The following ADGRG7 variants were observed in gnomAD, a reference collection of about 807,000 sequenced individuals.
ADGRG7 encodes the protein adhesion G protein-coupled receptor G7.
In ADGRG7, 82 loss-of-function variants were observed where a neutral mutation model predicts 88.6. That is an observed-to-expected ratio of 0.93 (90% CI 0.77 to 1.11). ADGRG7 has a LOEUF of 1.11. ADGRG7 is among the 50% of genes most tolerant of loss of function. The pLI, the probability that ADGRG7 is intolerant of heterozygous loss-of-function variation, is 0.00. For missense variants in ADGRG7, 945 were observed against 953.4 expected, an observed-to-expected ratio of 0.99 and a Z score of 0.12; for synonymous variants, 381 against 345.2, an observed-to-expected ratio of 1.10 and a Z score of -1.15.
chr3:100,636,605 G>A (rs1707546122), intron 5 of ADGRG7, among the ~76,000 whole-genome samples: 1 of 151,642 alleles, frequency 6.6e-6, no homozygotes, highest in Non-Finnish European at 1.5e-5. Context: ...CCTGAAAATA[G>A]CTACTCCTTT....
At chr3:100,686,598 A>C (rs569627852) in intron 15 of ADGRG7, among the ~76,000 whole-genome samples, 2 of 152,356 alleles carry the variant, frequency 1.3e-5, no homozygotes, top group South Asian at 4.1e-4. Context: ...ACATATGGCT[A>C]GCCAGTTTTC....
rs761379844 is a variant in ADGRG7, at chr3:100,646,549, A to T, written c.1111-20A>T. 3.8e-6 allele frequency: 6 copies of T among 1,595,536 alleles called. No homozygotes were observed. The highest frequency in any genetic ancestry group is 2.2e-5 in the South Asian group (2 of 89,640). ...TAAGTATTTAGAAACAGTAATTGTAATTGTCTTATCAATTCATAGTACAAC... is the reference window on the plus strand; with the variant it reads ...TAAGTATTTAGAAACAGTAATTGTATTTGTCTTATCAATTCATAGTACAAC... On this transcript the variant is annotated intron_variant, in intron 9 of 15. Coordinates refer to ENST00000273352, the MANE Select transcript of ADGRG7 (RefSeq NM_032787.3).
rs572996845 is a variant in ADGRG7, at chr3:100,687,546, A to G, written c.2137-7198A>G. Among the ~76,000 whole-genome samples, 84 of 152,196 alleles carry G rather than the reference A, an allele frequency of 5.5e-4. No individual in the cohort carries two copies. The South Asian group carries it at 0.016, about 29-fold the overall frequency. On this transcript the variant is annotated intron_variant, in intron 15 of 15. Transcript: ENST00000273352. ...GATAGCTCTTATTATTTTGAGATAC[A>G]TCCCATCAATACCTAATTTATTGAG...
intron 15 of ADGRG7, among the ~76,000 whole-genome samples, chr3:100,671,668 C>A (rs183108767): frequency 6.6e-6 from 1 of 152,254 alleles, no homozygotes; most frequent in East Asian, 1.9e-4. Flanking sequence ...AGGTTTTCTT[C>A]TAGGATTTTT....
chr3:100,653,685 T>C (rs2094932877), intron 11 of ADGRG7, among the ~76,000 whole-genome samples: 1 of 152,218 alleles, frequency 6.6e-6, no homozygotes, highest in African/African-American at 2.4e-5. Context: ...TGCTGGAGTC[T>C]TGCAGTCAGA....
intron 14 of ADGRG7, chr3:100,665,090 G>A (rs1559685002): frequency 2.0e-6 from 1 of 506,168 alleles, no homozygotes; most frequent in Non-Finnish European, 4.1e-6. Context: ...CCATTCTTCA[G>A]TCAGTTCTTC....
At chr3:100,617,983 T>C (rs1707249816) in intron 1 of ADGRG7, among the ~76,000 whole-genome samples, 1 of 152,348 alleles carries the variant, frequency 6.6e-6, no homozygotes, top group Middle Eastern at 3.4e-3. Context: ...TGAGCATTTT[T>C]TCATGTGTCT....
chr3:100,652,783 A>G (rs570239373), intron 11 of ADGRG7, among the ~76,000 whole-genome samples: 1 of 152,118 alleles, frequency 6.6e-6, no homozygotes, highest in African/African-American at 2.4e-5. Context: ...ACACATACAC[A>G]CACACACACT....
At chr3:100,633,175 CTTTTAATAAAAA>C in intron 3 of ADGRG7, 78 bp from the exon 4 acceptor site, 1 of 560,738 alleles carries the variant, frequency 1.8e-6, no homozygotes. Context: ...TAAATTATAA[CTTTTAATAAAAA>C]TTAGTTATTG....
intron 6 of ADGRG7, among the ~76,000 whole-genome samples, chr3:100,639,263 T>C (rs1559675997): frequency 6.6e-6 from 1 of 152,332 alleles, no homozygotes; most frequent in East Asian, 1.9e-4. Context: ...AGTCTTTTAA[T>C]GTTCTAAGTA....
rs1382342657 is a variant in ADGRG7 at position 100,630,682 on chromosome 3, A to G, written c.230-23A>G. On this transcript the variant is annotated intron_variant, in intron 2 of 15. Transcript: ENST00000273352. Reference sequence around the variant, plus strand: ...TTTTTTAAAATACAATTTATAATAAAGAACTTTTTCTCTTTATTACAGCTA... The same window carrying G: ...TTTTTTAAAATACAATTTATAATAAGGAACTTTTTCTCTTTATTACAGCTA... The G allele has an allele frequency of 6.2e-6, 7 of 1,121,350 alleles. No homozygotes were observed. In the Admixed American group the frequency reaches 2.1e-4, roughly 34 times the overall value. 69.5% of individuals were successfully genotyped at this position (1,121,350 alleles called of 1,614,324 possible).
At chr3:100,680,373 A>G (rs182687865) in intron 15 of ADGRG7, among the ~76,000 whole-genome samples, 4 of 152,290 alleles carry the variant, frequency 2.6e-5, no homozygotes, top group Non-Finnish European at 4.4e-5. Context: ...TGTATCATGT[A>G]GACAGCAAAT....
chr3:100,690,994 A>T (rs1211725746), intron 15 of ADGRG7, among the ~76,000 whole-genome samples: 1 of 152,150 alleles, frequency 6.6e-6, no homozygotes, highest in East Asian at 1.9e-4. Context: ...GGCCTCCTTG[A>T]GCTGTGGTGG....
chr3:100,645,186 G>A (rs1464787327), intron 8 of ADGRG7, among the ~76,000 whole-genome samples: 2 of 152,258 alleles, frequency 1.3e-5, no homozygotes, highest in African/African-American at 4.8e-5. Flanking sequence ...GCCAACAGTT[G>A]TATAAGGTGT....
chr3:100,680,054 C>A (rs1286933468), intron 15 of ADGRG7, among the ~76,000 whole-genome samples: 3 of 152,122 alleles, frequency 2.0e-5, no homozygotes, highest in African/African-American at 7.2e-5. Context: ...GCCTGATTCT[C>A]TCAATTGTCA....
rs1255301589 is a variant in ADGRG7 at position 100,643,551 on chromosome 3, T to C, written c.864T>C (p.Ser288=). The change falls in exon 8 of 16, where the codon AGT becomes AGC. Residue 288 remains serine, a synonymous_variant. Transcript: ENST00000273352. ...QKGASSSLVS[S]STFIHTNVDG... ...GAGCTAGCAGTTCTCTAGTTTCTAG[T>C]TCAACATTTATACATACAAATGTGG... 4 of 1,613,760 alleles carry C rather than the reference T, an allele frequency of 2.5e-6. No homozygotes were observed. In the Admixed American group the frequency reaches 5.0e-5, roughly 20 times the overall value.
chr3:100,686,338 T>G (rs1483242782), intron 15 of ADGRG7, among the ~76,000 whole-genome samples: 2 of 152,214 alleles, frequency 1.3e-5, no homozygotes, highest in Non-Finnish European at 2.9e-5. Flanking sequence ...CTGTTCACTC[T>G]GATGGTAGTT....
intron 15 of ADGRG7, among the ~76,000 whole-genome samples, chr3:100,681,923 C>T (rs2094974009): frequency 6.6e-6 from 1 of 152,174 alleles, no homozygotes; most frequent in South Asian, 2.1e-4. Flanking sequence ...AACTCCAGAC[C>T]ATGAACCCTA....
At chr3:100,636,558 T>C (rs927829662) in intron 5 of ADGRG7, among the ~76,000 whole-genome samples, 1 of 152,110 alleles carries the variant, frequency 6.6e-6, no homozygotes, top group Non-Finnish European at 1.5e-5. Flanking sequence ...ACCACCAATA[T>C]GGACTCACCT....
Sources: allele counts gnomAD v4.1 joint callset (sites outside exome capture counted in the v4.1 genomes callset), GRCh38; gene constraint gnomAD v4.1.1; transcripts MANE v1.5; gene names NCBI Gene and HGNC (gene_info 2026-07-23, HGNC 2026-07-21).